DTNA: variants seen among roughly 807,000 people sequenced by gnomAD.
DTNA encodes dystrobrevin alpha.
DTNA carries 43 observed loss-of-function variants against 100.7 expected under a neutral mutation model. The observed-to-expected ratio is 0.43, with a 90% CI of 0.33 to 0.55. The LOEUF (loss-of-function observed/expected upper bound fraction) is 0.55. Among genes scored for constraint, DTNA ranks in the 20% least tolerant of loss-of-function variants. DTNA has a pLI of 0.04. For missense variants in DTNA, 798 were observed against 953.9 expected (o/e 0.84, Z 2.15); for synonymous variants, 349 against 347.9 (o/e 1.00, Z -0.04).
chr18:34,863,547 A>C (rs1279197575), intron 16 of DTNA, among the ~76,000 whole-genome samples: 3 of 152,228 alleles, frequency 2.0e-5, no homozygotes, highest in Non-Finnish European at 4.4e-5. Context: ...TAAGGTAATC[A>C]ATATTTTCTG....
At chr18:34,840,729 T>C (rs2096252365) in intron 13 of DTNA, among the ~76,000 whole-genome samples, 1 of 152,186 alleles carries the variant, frequency 6.6e-6, no homozygotes. Flanking sequence ...AAGCAGAATT[T>C]AAGGCCAACC....
intron 1 of DTNA, among the ~76,000 whole-genome samples, chr18:34,555,567 T>A (rs144749403): frequency 6.6e-6 from 1 of 152,228 alleles, no homozygotes; most frequent in Non-Finnish European, 1.5e-5. Context: ...GAGATTCTAG[T>A]GTGTTGTGTC....
chr18:34,866,075 G>A (rs1322652020), intron 17 of DTNA: 3 of 1,611,238 alleles, frequency 1.9e-6, no homozygotes, highest in African/African-American at 1.3e-5. Context: ...TGGAACCCTG[G>A]GTAATCTAAC....
intron 1 of DTNA, among the ~76,000 whole-genome samples, chr18:34,550,536 C>CT (rs2045299600): frequency 6.6e-6 from 1 of 152,092 alleles, no homozygotes; most frequent in Admixed American, 6.6e-5. Flanking sequence ...CCAAAATTGC[C>CT]TAGTTAAATT....
At chr18:34,717,635 G>A (rs2084319715) in intron 1 of DTNA, among the ~76,000 whole-genome samples, 1 of 152,136 alleles carries the variant, frequency 6.6e-6, no homozygotes, top group Admixed American at 6.5e-5. Context: ...AAAGATAGTA[G>A]TAGTGCAGAG....
intron 1 of DTNA, among the ~76,000 whole-genome samples, chr18:34,533,488 TA>T (rs1284212613): frequency 6.6e-6 from 1 of 152,046 alleles, no homozygotes; most frequent in African/African-American, 2.4e-5. Context: ...CTGCTAAGTC[TA>T]GTTGGTAGCT....
intron 1 of DTNA, among the ~76,000 whole-genome samples, chr18:34,559,043 G>T (rs1336908316): frequency 6.6e-6 from 1 of 152,164 alleles, no homozygotes; most frequent in Non-Finnish European, 1.5e-5. Context: ...ACCAGTAGAA[G>T]CAAGCTGTGT....
rs145345458 is a variant in DTNA at position 34,583,298 on chromosome 18, GA to G, written c.-2+89785del. On this transcript the variant is annotated intron_variant, in intron 1 of 19. Transcript: ENST00000283365. ...CATTTTAGCATTGGGTGTACTTGTG[GA>G]GAAAAATGAAATATCATGTTGCCCC... Among the ~76,000 whole-genome samples the G allele has an allele frequency of 6.8e-3, 1,031 of 152,250 alleles. 10 individuals carry two copies. The highest frequency in any genetic ancestry group is 0.024 in the African/African-American group (977 of 41,530).
chr18:34,559,033 A>G (rs2146180523), intron 1 of DTNA, among the ~76,000 whole-genome samples: 1 of 152,334 alleles, frequency 6.6e-6, no homozygotes, highest in South Asian at 2.1e-4. Context: ...CAACAGTTTC[A>G]CCAGTAGAAG....
intron 1 of DTNA, among the ~76,000 whole-genome samples, chr18:34,724,186 T>C (rs2086048107): frequency 6.6e-6 from 1 of 152,222 alleles, no homozygotes; most frequent in African/African-American, 2.4e-5. Flanking sequence ...TTGACAATAA[T>C]TATGCCCTTT....
chr18:34,566,372 G>A (rs1348688890), intron 1 of DTNA, among the ~76,000 whole-genome samples: 3 of 152,014 alleles, frequency 2.0e-5, no homozygotes, highest in Non-Finnish European at 4.4e-5. Context: ...CACAGTTTCA[G>A]AAGTTAAAAG....
intron 5 of DTNA, among the ~76,000 whole-genome samples, 154 bp from the exon 6 acceptor site, chr18:34,811,805 A>G (rs1010017385): frequency 6.6e-6 from 1 of 152,244 alleles, no homozygotes; most frequent in African/African-American, 2.4e-5. Flanking sequence ...ACATTATGCC[A>G]GGAATATTTC....
chr18:34,546,655 A>C (rs978910833), intron 1 of DTNA, among the ~76,000 whole-genome samples: 21 of 152,158 alleles, frequency 1.4e-4, no homozygotes, highest in Admixed American at 6.6e-5. Flanking sequence ...TTGAAGTGAC[A>C]TTTTGTGGCT....
intron 1 of DTNA, among the ~76,000 whole-genome samples, chr18:34,632,156 A>G (rs568996433): frequency 7.6e-4 from 115 of 152,310 alleles, no homozygotes; most frequent in African/African-American, 2.7e-3. Flanking sequence ...AAACTTCACA[A>G]AATGGATTTA....
At chr18:34,610,618 A>G (rs1436357448) in intron 1 of DTNA, among the ~76,000 whole-genome samples, 1 of 152,226 alleles carries the variant, frequency 6.6e-6, no homozygotes, top group Admixed American at 6.5e-5. Context: ...GTAACAGTGC[A>G]CACTTGAAAA....
At chr18:34,635,695 A>T (rs1482776720) in intron 1 of DTNA, among the ~76,000 whole-genome samples, 2 of 152,100 alleles carry the variant, frequency 1.3e-5, no homozygotes, top group Non-Finnish European at 2.9e-5. Context: ...CTTAACGATA[A>T]CAAAAACACG....
At chr18:34,863,038 A>G (rs1009886979) in intron 16 of DTNA, among the ~76,000 whole-genome samples, 6 of 152,236 alleles carry the variant, frequency 3.9e-5, no homozygotes, top group African/African-American at 1.2e-4. Flanking sequence ...TTTAGTATGT[A>G]AGTATGAATA....
intron 1 of DTNA, among the ~76,000 whole-genome samples, chr18:34,526,468 A>G (rs886561720): frequency 1.1e-4 from 17 of 152,092 alleles, no homozygotes; most frequent in African/African-American, 3.6e-4. Context: ...TACCTCTATC[A>G]AGGGTTTTGG....
intron 3 of DTNA, among the ~76,000 whole-genome samples, chr18:34,770,116 G>A (rs572172070): frequency 5.3e-5 from 8 of 152,216 alleles, no homozygotes; most frequent in African/African-American, 1.9e-4. Flanking sequence ...TAATACCATC[G>A]CATTAAGGGA....
Sources: gnomAD v4.1 joint callset for allele counts (sites outside exome capture counted in the v4.1 genomes callset) on GRCh38, gnomAD v4.1.1 for gene constraint, MANE v1.5 for transcripts, NCBI Gene and HGNC (gene_info 2026-07-23, HGNC 2026-07-21) for gene names.